PCDH15: variants seen among roughly 807,000 people sequenced by gnomAD.
PCDH15 encodes the protein protocadherin related 15, also known as protocadherin-15.
A neutral mutation model predicts 178.5 loss-of-function variants in PCDH15; 129 were observed. The observed-to-expected ratio is 0.72, with a 90% CI of 0.63 to 0.84. PCDH15 has a LOEUF of 0.84. PCDH15 is among the 40% of genes least tolerant of loss of function. The pLI, the probability that PCDH15 is intolerant of heterozygous loss-of-function variation, is 0.00. For synonymous variants in PCDH15, 800 were observed against 732.0 expected (o/e 1.09, Z -1.50); for missense variants, 2,230 against 2,099.9 (o/e 1.06, Z -1.21).
intron 2 of PCDH15, among the ~76,000 whole-genome samples, chr10:55,431,010 G>T (rs992383358): frequency 2.6e-5 from 4 of 152,096 alleles, no homozygotes; most frequent in Non-Finnish European, 5.9e-5. Flanking sequence ...TTATTTCCTT[G>T]ACATGATTTA....
chr10:54,485,514 T>C (rs1355236744), intron 3 of PCDH15, among the ~76,000 whole-genome samples: 1 of 151,984 alleles, frequency 6.6e-6, no homozygotes, highest in African/African-American at 2.4e-5. Flanking sequence ...TTTGTCTCCT[T>C]CTGGAAGGAC....
At chr10:54,291,062 A>G (rs1212644441) in intron 8 of PCDH15, among the ~76,000 whole-genome samples, 2 of 152,156 alleles carry the variant, frequency 1.3e-5, no homozygotes, top group South Asian at 2.1e-4. Context: ...AATTGACCAC[A>G]TAATTGGAAG....
chr10:54,989,975 T>C (rs2131915621), intron 2 of PCDH15, among the ~76,000 whole-genome samples: 1 of 151,882 alleles, frequency 6.6e-6, no homozygotes, highest in East Asian at 1.9e-4. Context: ...AAAAGGGGAG[T>C]TCCCCTGCAC....
In PCDH15 at chr10:54,022,905, A is replaced by G. The variant is rs201657445; in HGVS notation, c.2513T>C (p.Ile838Thr). The G allele has an allele frequency of 1.4e-4, 226 of 1,613,728 alleles. 2 individuals carry two copies. Among genetic ancestry groups the G allele is most frequent in the Non-Finnish European group, 5.1e-6 (6 of 1,179,790 alleles). Reference protein sequence around the residue: ...VEENLPAGTTILQIEAKDVDL... With the variant: ...VEENLPAGTTTLQIEAKDVDL... The stretch of plus-strand genomic sequence containing the variant: ...TTTCCCACACACCTCTATTTGAAGG[A>G]TGGTAGTCCCAGCTGGCAAATTCTC... The change falls in exon 19 of 38, where the codon ATC becomes ACC. Residue 838 changes from isoleucine (I) to threonine (T), a missense_variant. Physicochemically the swap from Ile to Thr is moderately conservative, Grantham distance 89 (BLOSUM62 -1). Transcript: ENST00000644397.
At chr10:54,226,608 A>G (rs1320895589) in intron 9 of PCDH15, among the ~76,000 whole-genome samples, 1 of 152,138 alleles carries the variant, frequency 6.6e-6, no homozygotes, top group Non-Finnish European at 1.5e-5. Context: ...ACATCCTCAC[A>G]TTTCAAAACA....
intron 2 of PCDH15, among the ~76,000 whole-genome samples, chr10:55,623,679 C>T (rs1435806263): frequency 2.7e-5 from 4 of 150,484 alleles, no homozygotes; most frequent in Non-Finnish European, 5.9e-5. Flanking sequence ...CATCAGAGCA[C>T]AGAGGATGAA....
intron 3 of PCDH15, among the ~76,000 whole-genome samples, chr10:54,828,800 A>G (rs1424881137): frequency 6.6e-6 from 1 of 152,052 alleles, no homozygotes; most frequent in African/African-American, 2.4e-5. Flanking sequence ...GGGTAGTGGC[A>G]TGTTTATAAA....
At chr10:54,376,556 T>TTA (rs1948467460) in intron 4 of PCDH15, among the ~76,000 whole-genome samples, 1 of 151,468 alleles carries the variant, frequency 6.6e-6, no homozygotes, top group African/African-American at 2.4e-5. Context: ...TTCTCTACTA[T>TTA]ATCTTTGTAG....
upstream of PCDH15, among the ~76,000 whole-genome samples, chr10:55,321,280 G>A (rs1843893569): frequency 6.6e-6 from 1 of 152,016 alleles, no homozygotes; most frequent in African/African-American, 2.4e-5. Context: ...TCACTTAAAT[G>A]ACACAGACAA....
intron 18 of PCDH15, among the ~76,000 whole-genome samples, chr10:54,060,035 C>T (rs1202987273): frequency 1.3e-5 from 2 of 152,122 alleles, no homozygotes; most frequent in Non-Finnish European, 2.9e-5. Flanking sequence ...AAATCAGGAT[C>T]GCAACCATGA....
At chr10:54,098,436 T>C (rs942560875) in intron 15 of PCDH15, among the ~76,000 whole-genome samples, 6 of 152,154 alleles carry the variant, frequency 3.9e-5, no homozygotes, top group Non-Finnish European at 8.8e-5. Flanking sequence ...GGAGGTTATA[T>C]GAATAAACTA....
intron 1 of PCDH15, among the ~76,000 whole-genome samples, chr10:54,679,874 G>C (rs1439918667): frequency 6.6e-6 from 1 of 152,116 alleles, no homozygotes; most frequent in African/African-American, 2.4e-5. Context: ...CCAATAGCTT[G>C]TAAACTTTTG....
At chr10:54,855,129 G>C (rs1445806768) in intron 3 of PCDH15, among the ~76,000 whole-genome samples, 1 of 152,208 alleles carries the variant, frequency 6.6e-6, no homozygotes, top group Non-Finnish European at 1.5e-5. Context: ...CAAGAACAAA[G>C]CAAGTACCAA....
intron 2 of PCDH15, among the ~76,000 whole-genome samples, chr10:55,494,653 A>G (rs1219034205): frequency 1.3e-5 from 2 of 151,676 alleles, no homozygotes; most frequent in Admixed American, 6.6e-5. Flanking sequence ...TCCCATCAGG[A>G]TCTACCTCAG....
chr10:54,446,365 T>C (rs368509569), intron 3 of PCDH15, among the ~76,000 whole-genome samples: 10 of 151,814 alleles, frequency 6.6e-5, no homozygotes, highest in East Asian at 3.9e-4. Flanking sequence ...TGTCTCTAGA[T>C]CAATATTTAT....
At chr10:54,008,501 T>C (rs1362609086) in intron 20 of PCDH15, among the ~76,000 whole-genome samples, 1 of 152,170 alleles carries the variant, frequency 6.6e-6, no homozygotes, top group East Asian at 1.9e-4. Flanking sequence ...CTTTTTGAGG[T>C]GATAATTTTG....
chr10:54,471,545 T>G (rs561327630), intron 3 of PCDH15, among the ~76,000 whole-genome samples: 134 of 152,266 alleles, frequency 8.8e-4, no homozygotes, highest in Non-Finnish European at 1.5e-3. Context: ...TTTAATTTTC[T>G]GAAATTATTT....
At chr10:54,911,655 C>T (rs1173526591) in intron 2 of PCDH15, among the ~76,000 whole-genome samples, 2 of 152,152 alleles carry the variant, frequency 1.3e-5, no homozygotes, top group African/African-American at 4.8e-5. Flanking sequence ...CCCCAGGTGT[C>T]AAGGGAGGGA....
rs115088776 is a variant in PCDH15, at chr10:53,874,797, G to A, written c.3502-7940C>T. Reference sequence around the variant, plus strand: ...TTAAATATTTGAATTAGTAGACACTGAATATAAAGCAAATATGGTTAATAC... The same window carrying A: ...TTAAATATTTGAATTAGTAGACACTAAATATAAAGCAAATATGGTTAATAC... On this transcript the variant is annotated intron_variant, in intron 26 of 37. Coordinates refer to ENST00000644397, the MANE Select transcript of PCDH15 (RefSeq NM_001384140.1). Among the ~76,000 whole-genome samples, 659 of 152,026 alleles carry A rather than the reference G, an allele frequency of 4.3e-3. 4 individuals carry two copies. The highest frequency in any genetic ancestry group is 0.015 in the African/African-American group (633 of 41,488).
Sources: gnomAD v4.1 joint callset for allele counts (sites outside exome capture counted in the v4.1 genomes callset) on GRCh38, gnomAD v4.1.1 for gene constraint, MANE v1.5 for transcripts, NCBI Gene and HGNC (gene_info 2026-07-23, HGNC 2026-07-21) for gene names.